NRXN1: variants seen among roughly 807,000 people sequenced by gnomAD.
NRXN1 encodes the protein neurexin 1, also known as neurexin-1.
NRXN1 carries 39 observed loss-of-function variants against 150.9 expected under a neutral mutation model. That is an observed-to-expected ratio of 0.26 (90% CI 0.20 to 0.34). NRXN1 has a LOEUF of 0.34. Ranked by LOEUF, NRXN1 falls within the 10% of genes least tolerant of loss-of-function variation. The pLI, the probability that NRXN1 is intolerant of heterozygous loss-of-function variation, is 1.00. For synonymous variants in NRXN1, 924 were observed against 757.0 expected, an observed-to-expected ratio of 1.22 and a Z score of -3.62; for missense variants, 1,815 against 1,949.9, an observed-to-expected ratio of 0.93 and a Z score of 1.30.
chr2:49,979,021 G>A (rs947426974), intron 21 of NRXN1, among the ~76,000 whole-genome samples: 1 of 152,230 alleles, frequency 6.6e-6, no homozygotes, highest in East Asian at 1.9e-4. Context: ...GAAGGAGGTC[G>A]GGTGCGGGGG....
intron 21 of NRXN1, among the ~76,000 whole-genome samples, chr2:50,001,463 T>C (rs1025214835): frequency 6.6e-5 from 10 of 151,992 alleles, no homozygotes; most frequent in Non-Finnish European, 1.2e-4. Flanking sequence ...AGGGGGTATA[T>C]AAAAGAGTAA....
At chr2:50,410,626 TA>T (rs1293650661) in intron 17 of NRXN1, among the ~76,000 whole-genome samples, 2 of 152,222 alleles carry the variant, frequency 1.3e-5, no homozygotes, top group African/African-American at 4.8e-5. Context: ...GATGAAATTT[TA>T]ACTGCTGACC....
intron 17 of NRXN1, 28 bp from the exon 18 acceptor site, chr2:50,236,998 G>C (rs4611676): frequency 4.2e-5 from 68 of 1,608,472 alleles, no homozygotes; most frequent in Non-Finnish European, 5.1e-5. Context: ...AAACCAATTA[G>C]TCCAAATACA....
At chr2:49,993,593 C>T (rs1455167984) in intron 21 of NRXN1, among the ~76,000 whole-genome samples, 1 of 152,126 alleles carries the variant, frequency 6.6e-6, no homozygotes, top group Non-Finnish European at 1.5e-5. Context: ...GTAACAAATG[C>T]ACTACTCTAG....
chr2:50,010,293 C>G (rs1165298084), intron 21 of NRXN1, among the ~76,000 whole-genome samples: 2 of 152,094 alleles, frequency 1.3e-5, no homozygotes, highest in African/African-American at 2.4e-5. Flanking sequence ...TAATTTCTGT[C>G]CCATCATGGA....
chr2:50,496,336 C>A (rs1470636184), intron 14 of NRXN1, among the ~76,000 whole-genome samples: 1 of 152,132 alleles, frequency 6.6e-6, no homozygotes, highest in African/African-American at 2.4e-5. Context: ...AAATCATGGT[C>A]TACATTTAAC....
intron 2 of NRXN1, among the ~76,000 whole-genome samples, chr2:50,939,801 A>T (rs1461115925): frequency 6.6e-6 from 1 of 152,212 alleles, no homozygotes; most frequent in Non-Finnish European, 1.5e-5. Context: ...AGGGATACTA[A>T]TCTGGTAAAC....
At chr2:50,771,458 G>A (rs927078741) in intron 5 of NRXN1, among the ~76,000 whole-genome samples, 1 of 152,108 alleles carries the variant, frequency 6.6e-6, no homozygotes, top group Admixed American at 6.6e-5. Flanking sequence ...TCAGGACAGT[G>A]TGAGCTAAAC....
intron 21 of NRXN1, among the ~76,000 whole-genome samples, chr2:50,039,338 C>T (rs555287636): frequency 1.2e-4 from 18 of 151,926 alleles, no homozygotes; most frequent in Non-Finnish European, 1.9e-4. Flanking sequence ...TGGTGGTGCA[C>T]GCCTATGGTC....
chr2:50,455,246 G>A (rs2087430811), intron 17 of NRXN1, among the ~76,000 whole-genome samples: 2 of 152,128 alleles, frequency 1.3e-5, no homozygotes, highest in African/African-American at 4.8e-5. Context: ...AGATAGTGGA[G>A]AGAGAATTTT....
intron 8 of NRXN1, among the ~76,000 whole-genome samples, chr2:50,574,924 T>G (rs903823530): frequency 1.3e-5 from 2 of 152,200 alleles, no homozygotes; most frequent in African/African-American, 4.8e-5. Flanking sequence ...CATGAACTGC[T>G]GCGTGCACAC....
chr2:50,298,494 C>T (rs939463900), intron 17 of NRXN1, among the ~76,000 whole-genome samples: 1 of 150,620 alleles, frequency 6.6e-6, no homozygotes, highest in Non-Finnish European at 1.5e-5. Flanking sequence ...GAGGCCCCTG[C>T]TAGACTTTTT....
At position 50,901,044 on chromosome 2, in the gene NRXN1, T is replaced by C. The variant is rs140853245; in HGVS notation, c.832+20825A>G. Reference sequence around the variant, plus strand: ...TGTGTCCCATTCACTGATTTTTTTCTCTATAGAAGGTATCACTATCTGACA... The same window carrying C: ...TGTGTCCCATTCACTGATTTTTTTCCCTATAGAAGGTATCACTATCTGACA... On this transcript the variant is annotated intron_variant, in intron 5 of 22. Transcript: ENST00000401669. 4.6e-5 allele frequency among the ~76,000 whole-genome samples: 7 copies of C among 152,280 alleles called. No homozygotes were observed. The East Asian group carries it at 1.4e-3, about 29-fold the overall frequency.
intron 5 of NRXN1, among the ~76,000 whole-genome samples, chr2:50,647,781 GA>G (rs1259483209): frequency 6.6e-6 from 1 of 151,826 alleles, no homozygotes; most frequent in African/African-American, 2.4e-5. Flanking sequence ...AGCAATTTAT[GA>G]CACAACATTA....
chr2:50,660,955 A>C (rs1574006536), intron 5 of NRXN1, among the ~76,000 whole-genome samples: 1 of 152,072 alleles, frequency 6.6e-6, no homozygotes, highest in South Asian at 2.1e-4. Context: ...CTGCATATAC[A>C]TCTTAAAATA....
At chr2:49,972,006 T>A (rs1678043387) in intron 21 of NRXN1, among the ~76,000 whole-genome samples, 1 of 152,180 alleles carries the variant, frequency 6.6e-6, no homozygotes, top group Non-Finnish European at 1.5e-5. Flanking sequence ...ACTAGATAAC[T>A]GACAAGTGAG....
At chr2:50,866,116 C>T (rs571678364) in intron 5 of NRXN1, among the ~76,000 whole-genome samples, 2 of 151,808 alleles carry the variant, frequency 1.3e-5, no homozygotes, top group African/African-American at 4.8e-5. Context: ...ATTAGATTAT[C>T]AGTATCAAAT....
At chr2:50,143,799 T>C (rs995854114) in intron 18 of NRXN1, among the ~76,000 whole-genome samples, 16 of 151,816 alleles carry the variant, frequency 1.1e-4, no homozygotes, top group Non-Finnish European at 2.4e-4. Flanking sequence ...TACTTTAGGG[T>C]GCACAATGTT....
At chr2:50,829,999 G>GGAAAAAA (rs1425873902) in intron 5 of NRXN1, among the ~76,000 whole-genome samples, 931 of 58,184 alleles carry the variant, frequency 0.016, 62 homozygotes, top group East Asian at 0.11. Context: ...CTGCCTGCTG[G>GGAAAAAA]AAAAAAAAAA....
Sources: gnomAD v4.1 joint callset for allele counts (sites outside exome capture counted in the v4.1 genomes callset) on GRCh38, gnomAD v4.1.1 for gene constraint, MANE v1.5 for transcripts, NCBI Gene and HGNC (gene_info 2026-07-23, HGNC 2026-07-21) for gene names.